The following CTNNA3 variants were observed in gnomAD, a reference collection of about 807,000 sequenced individuals.
CTNNA3 encodes catenin alpha-3.
A neutral mutation model predicts 95.7 loss-of-function variants in CTNNA3; 76 were observed. The observed-to-expected ratio is 0.79, with a 90% CI of 0.66 to 0.96. The LOEUF is 0.96. CTNNA3 is among the 40% of genes least tolerant of loss of function. The pLI is 0.00. For synonymous variants in CTNNA3, 431 were observed against 374.4 expected (o/e 1.15, Z -1.74); for missense variants, 1,191 against 1,089.8 (o/e 1.09, Z -1.31).
chr10:67,213,237 T>G (rs1205871689), intron 6 of CTNNA3, among the ~76,000 whole-genome samples: 1 of 151,750 alleles, frequency 6.6e-6, no homozygotes. Flanking sequence ...TAATATTCTT[T>G]TAGTGTTTTA....
chr10:67,711,442 T>C lies in CTNNA3; in HGVS notation c.-2+51992A>G, dbSNP rs9415882. Among the ~76,000 whole-genome samples, 1,081 of 152,276 alleles carry C rather than the reference T, an allele frequency of 7.1e-3. 20 individuals carry two copies. The highest frequency in any genetic ancestry group is 0.025 in the African/African-American group (1,026 of 41,564). ...AGTCTGAGGTGGTCTCAGATGGAGA[T>C]AGGAACTGGAGAAAAGGTGGCTCTT... On this transcript the variant is annotated intron_variant, in intron 1 of 17. Transcript: ENST00000684154.
intron 7 of CTNNA3, among the ~76,000 whole-genome samples, chr10:67,096,629 A>C (rs12220599): frequency 0.56 from 84,192 of 151,658 alleles, 24,728 homozygotes; most frequent in African/African-American, 0.76. Context: ...TTATTGAAAA[A>C]GAAATGGGAA....
chr10:67,431,480 G>C (rs776162929), intron 5 of CTNNA3, among the ~76,000 whole-genome samples: 2 of 151,916 alleles, frequency 1.3e-5, no homozygotes, highest in Non-Finnish European at 2.9e-5. Context: ...TTTTACAGAT[G>C]AGCAAGCAGT....
chr10:66,753,096 A>G (rs1839223011), intron 9 of CTNNA3, among the ~76,000 whole-genome samples: 1 of 152,148 alleles, frequency 6.6e-6, no homozygotes, highest in Non-Finnish European at 1.5e-5. Context: ...TCTGGAGCAC[A>G]TATACTTTTT....
Position 67,443,793 on chromosome 10 carries a change from T to G in CTNNA3, c.579+78049A>C, listed in dbSNP as rs575523021. ...TTTCTTTTGCTGTGCAGGAGCTCTT[T>G]AGTTTAATTAGATCCCATTTGTCAA... On this transcript the variant is annotated intron_variant, in intron 5 of 17. Transcript: ENST00000433211. Among the ~76,000 whole-genome samples, 377 of 152,248 alleles carry G rather than the reference T, an allele frequency of 2.5e-3. 3 individuals carry two copies. The highest frequency in any genetic ancestry group is 8.6e-3 in the African/African-American group (358 of 41,560).
intron 5 of CTNNA3, among the ~76,000 whole-genome samples, chr10:67,434,618 G>A (rs960652217): frequency 2.0e-5 from 3 of 151,878 alleles, no homozygotes; most frequent in Non-Finnish European, 4.4e-5. Context: ...TTGTAATAAA[G>A]AAATTGCTCA....
chr10:66,286,088 T>C (rs1335062665), intron 12 of CTNNA3, among the ~76,000 whole-genome samples: 1 of 152,066 alleles, frequency 6.6e-6, no homozygotes, highest in African/African-American at 2.4e-5. Flanking sequence ...TTTTGGTGAA[T>C]ATATGTGTAC....
intron 7 of CTNNA3, among the ~76,000 whole-genome samples, chr10:67,092,530 T>A (rs1018316735): frequency 6.6e-6 from 1 of 151,994 alleles, no homozygotes; most frequent in African/African-American, 2.4e-5. Flanking sequence ...TTCATATGAA[T>A]GTTCATATAT....
At chr10:66,139,589 TGAGA>T (rs766664590) in intron 13 of CTNNA3, among the ~76,000 whole-genome samples, 2 of 152,224 alleles carry the variant, frequency 1.3e-5, no homozygotes, top group Non-Finnish European at 2.9e-5. Context: ...TTTTAGATTT[TGAGA>T]GTGAGGGTTG....
chr10:66,189,289 A>ATTGTTAAGAC (rs2086522615), intron 13 of CTNNA3, among the ~76,000 whole-genome samples: 1 of 147,424 alleles, frequency 6.8e-6, no homozygotes, highest in Non-Finnish European at 1.5e-5. Flanking sequence ...AAAAAAAAAA[A>ATTGTTAAGAC]CATTGTTAAG....
chr10:66,841,858 A>G (rs80077667), intron 7 of CTNNA3, among the ~76,000 whole-genome samples: 5,771 of 152,262 alleles, frequency 0.038, 199 homozygotes, highest in African/African-American at 0.093. Flanking sequence ...CTGCCATAAA[A>G]TGGATATGAA....
chr10:66,906,317 A>T (rs545537800), intron 7 of CTNNA3, among the ~76,000 whole-genome samples: 1 of 152,308 alleles, frequency 6.6e-6, no homozygotes, highest in Admixed American at 6.5e-5. Context: ...GGATCTGATC[A>T]AAACTCTATG....
chr10:67,318,869 A>G (rs1173297856), intron 5 of CTNNA3, among the ~76,000 whole-genome samples: 1 of 152,204 alleles, frequency 6.6e-6, no homozygotes, highest in Non-Finnish European at 1.5e-5. Flanking sequence ...TTCACAAAAA[A>G]CTTAACATAG....
chr10:67,159,860 T>C (rs2132085553), intron 7 of CTNNA3, among the ~76,000 whole-genome samples: 1 of 151,932 alleles, frequency 6.6e-6, no homozygotes, highest in Non-Finnish European at 1.5e-5. Context: ...AAAGCAAAAA[T>C]AGAAAAGAAG....
At chr10:67,397,521 A>C (rs2132793142) in intron 5 of CTNNA3, among the ~76,000 whole-genome samples, 1 of 152,332 alleles carries the variant, frequency 6.6e-6, no homozygotes, top group South Asian at 2.1e-4. Flanking sequence ...AGAGCATAAA[A>C]GTTCGGAAAA....
chr10:66,602,639 CA>C (rs1564561794), intron 10 of CTNNA3, among the ~76,000 whole-genome samples: 1 of 151,630 alleles, frequency 6.6e-6, no homozygotes, highest in African/African-American at 2.4e-5. Flanking sequence ...AGAGACTCAA[CA>C]AAAAAAGGAA....
intron 13 of CTNNA3, among the ~76,000 whole-genome samples, chr10:66,253,044 T>G (rs1211181761): frequency 6.6e-6 from 1 of 152,156 alleles, no homozygotes; most frequent in East Asian, 1.9e-4. Context: ...CACCATAATT[T>G]CTACTCATTT....
intron 7 of CTNNA3, among the ~76,000 whole-genome samples, chr10:67,121,187 A>T (rs1859446865): frequency 6.6e-6 from 1 of 152,036 alleles, no homozygotes; most frequent in South Asian, 2.1e-4. Context: ...CTACATAAAA[A>T]CCATCTTCCG....
intron 7 of CTNNA3, among the ~76,000 whole-genome samples, chr10:67,110,364 A>G (rs994351017): frequency 6.6e-6 from 1 of 152,022 alleles, no homozygotes; most frequent in African/African-American, 2.4e-5. Context: ...TTGGCTTACA[A>G]AAAAAAATCA....
Sources: gnomAD v4.1 joint callset for allele counts (sites outside exome capture counted in the v4.1 genomes callset) on GRCh38, gnomAD v4.1.1 for gene constraint, MANE v1.5 for transcripts, NCBI Gene and HGNC (gene_info 2026-07-23, HGNC 2026-07-21) for gene names.